C1orf87: variants seen among roughly 807,000 people sequenced by gnomAD.
The protein encoded by C1orf87 is chromosome 1 open reading frame 87, also known as uncharacterized protein C1orf87.
In C1orf87, 58 loss-of-function variants were observed where a neutral mutation model predicts 60.5. That is an observed-to-expected ratio of 0.96 (90% CI 0.78 to 1.19). The LOEUF (loss-of-function observed/expected upper bound fraction) is 1.19, where lower values mean the gene tolerates loss of function less well. Among genes scored for constraint, C1orf87 ranks in the 50% most tolerant of loss-of-function variants. The pLI, the probability that C1orf87 is intolerant of heterozygous loss-of-function variation, is 0.00. For missense variants in C1orf87, 673 were observed against 638.6 expected (o/e 1.05, Z -0.58); for synonymous variants, 236 against 227.4 (o/e 1.04, Z -0.34).
intron 8 of C1orf87, among the ~76,000 whole-genome samples, chr1:60,022,151 T>C (rs542073323): frequency 6.8e-6 from 1 of 146,886 alleles, no homozygotes; most frequent in Non-Finnish European, 1.5e-5. Flanking sequence ...AATAACATAC[T>C]CTTGCAGTGT....
At chr1:60,040,909 T>C (rs1159946460) in intron 4 of C1orf87, 82 bp downstream of exon 4, 1 of 1,449,874 alleles carries the variant, frequency 6.9e-7, no homozygotes, top group African/African-American at 1.4e-5. Flanking sequence ...CCAACTTATC[T>C]TCTGCTCCAC....
chr1:60,065,175 A>C (rs1226129277), intron 2 of C1orf87, among the ~76,000 whole-genome samples: 1 of 149,812 alleles, frequency 6.7e-6, no homozygotes, highest in Admixed American at 6.8e-5. Context: ...GGCTCCAGGC[A>C]GTCAACTTAA....
intron 7 of C1orf87, among the ~76,000 whole-genome samples, chr1:60,028,256 A>G (rs931575912): frequency 1.3e-5 from 2 of 152,204 alleles, no homozygotes; most frequent in Non-Finnish European, 2.9e-5. Flanking sequence ...GATTATTCTA[A>G]AAACAGATCA....
intron 9 of C1orf87, 71 bp from the exon 10 acceptor site, chr1:60,001,227 A>C (rs1645001961): frequency 3.8e-6 from 4 of 1,066,478 alleles, no homozygotes; most frequent in Non-Finnish European, 3.8e-6. Flanking sequence ...ACATATACAC[A>C]AGGCAACAAC....
chr1:60,061,906 C>A (rs1645499590), intron 2 of C1orf87, among the ~76,000 whole-genome samples: 1 of 151,460 alleles, frequency 6.6e-6, no homozygotes, highest in Non-Finnish European at 1.5e-5. Flanking sequence ...AGCTACAATC[C>A]CTCCATTGTA....
At chr1:60,029,297 T>C (rs1277852910) in intron 7 of C1orf87, among the ~76,000 whole-genome samples, 2 of 152,194 alleles carry the variant, frequency 1.3e-5, no homozygotes, top group African/African-American at 4.8e-5. Flanking sequence ...TCATAATTTC[T>C]TGCCTGGATT....
At chr1:60,057,309 T>A (rs1249328313) in intron 2 of C1orf87, among the ~76,000 whole-genome samples, 1 of 152,140 alleles carries the variant, frequency 6.6e-6, no homozygotes, top group African/African-American at 2.4e-5. Context: ...TGTAGGTGGA[T>A]GCTAGACTGA....
intron 3 of C1orf87, among the ~76,000 whole-genome samples, chr1:60,042,081 C>A (rs1164144043): frequency 6.6e-6 from 1 of 152,146 alleles, no homozygotes; most frequent in Non-Finnish European, 1.5e-5. Flanking sequence ...CCTCAAGTAG[C>A]CCGATGTGGT....
chr1:60,064,027 T>C (rs1325041628), intron 2 of C1orf87, among the ~76,000 whole-genome samples: 1 of 151,858 alleles, frequency 6.6e-6, no homozygotes, highest in South Asian at 2.1e-4. Context: ...CCAGTGCAGA[T>C]AGAATATAGA....
intron 8 of C1orf87, among the ~76,000 whole-genome samples, chr1:60,021,146 A>T (rs1645161035): frequency 6.6e-6 from 1 of 152,048 alleles, no homozygotes; most frequent in Admixed American, 6.6e-5. Context: ...AGCCATGCTT[A>T]CTGTACAGCC....
At chr1:60,056,497 G>A (rs910316575) in intron 2 of C1orf87, among the ~76,000 whole-genome samples, 1 of 152,114 alleles carries the variant, frequency 6.6e-6, no homozygotes, top group African/African-American at 2.4e-5. Flanking sequence ...GTGATAAAGG[G>A]TATGAAGTCA....
Position 60,046,316 on chromosome 1 carries a change from C to G in C1orf87, c.343-5185G>C, listed in dbSNP as rs1408261685. 2.3e-5 allele frequency among the ~76,000 whole-genome samples: 3 copies of G among 128,452 alleles called. No individual in the cohort carries two copies. In the Admixed American group the frequency reaches 2.4e-4, roughly 10 times the overall value. The allele number at this position is 128,452 out of a possible 152,430, so 84.3% of individuals were successfully genotyped here. A position where few individuals can be genotyped will look rare whatever the true frequency, so the allele number is the denominator to read the frequency against. On this transcript the variant is annotated intron_variant, in intron 3 of 11. Coordinates refer to ENST00000371201, the MANE Select transcript of C1orf87 (RefSeq NM_152377.3). ...TCTCTCTCTCTCCCTCCCTCCCCTA[C>G]CCTCCCTCCCTCTCTCCCTCCTTCC...
intron 9 of C1orf87, among the ~76,000 whole-genome samples, chr1:60,001,538 T>C (rs1264454068): frequency 1.3e-5 from 2 of 152,022 alleles, no homozygotes; most frequent in Non-Finnish European, 2.9e-5. Flanking sequence ...TTAGTTGTGT[T>C]TGTAGCACTT....
intron 7 of C1orf87, among the ~76,000 whole-genome samples, chr1:60,028,540 GT>G: frequency 6.6e-6 from 1 of 152,238 alleles, no homozygotes; most frequent in South Asian, 2.1e-4. Context: ...ATAAGGAAAT[GT>G]TTTTAACCAG....
chr1:59,991,469 T>G (rs1034778358), intron 11 of C1orf87, among the ~76,000 whole-genome samples: 1 of 152,246 alleles, frequency 6.6e-6, no homozygotes, highest in Non-Finnish European at 1.5e-5. Flanking sequence ...ACAATGCAAT[T>G]GCAATGCAAA....
chr1:60,019,334 T>C (rs1049166396), intron 8 of C1orf87, among the ~76,000 whole-genome samples: 1 of 152,206 alleles, frequency 6.6e-6, no homozygotes, highest in African/African-American at 2.4e-5. Flanking sequence ...ATCATAAGTT[T>C]CCTGTGGCCA....
At chr1:60,036,520 C>A (rs928030907) in intron 6 of C1orf87, among the ~76,000 whole-genome samples, 1 of 152,100 alleles carries the variant, frequency 6.6e-6, no homozygotes, top group Non-Finnish European at 1.5e-5. Context: ...ATGTACCAGG[C>A]ACTGATTTTT....
At chr1:60,047,047 A>C (rs1042185910) in intron 3 of C1orf87, among the ~76,000 whole-genome samples, 1 of 152,196 alleles carries the variant, frequency 6.6e-6, no homozygotes, top group African/African-American at 2.4e-5. Context: ...AGTCATATGC[A>C]TTGCTTAATT....
At chr1:60,035,610 C>T (rs1272014071) in intron 6 of C1orf87, among the ~76,000 whole-genome samples, 1 of 152,202 alleles carries the variant, frequency 6.6e-6, no homozygotes, top group African/African-American at 2.4e-5. Context: ...TACAAACATA[C>T]TGTCTGGTTT....
Sources: allele counts gnomAD v4.1 joint callset (sites outside exome capture counted in the v4.1 genomes callset), GRCh38; gene constraint gnomAD v4.1.1; transcripts MANE v1.5; gene names NCBI Gene and HGNC (gene_info 2026-07-23, HGNC 2026-07-21).